The following STRADA variants were observed in gnomAD, a reference collection of about 807,000 sequenced individuals.
The protein encoded by STRADA is STE20 related adaptor alpha, also known as STE20-related kinase adapter protein alpha.
Under a neutral mutation model 55.0 loss-of-function variants are expected in STRADA, and 26 were observed. The observed-to-expected ratio is 0.47, with a 90% CI of 0.35 to 0.66. The LOEUF is 0.66. STRADA is among the 30% of genes least tolerant of loss of function. STRADA has a pLI of 0.01. For missense variants in STRADA, 443 were observed against 549.7 expected, an observed-to-expected ratio of 0.81 and a Z score of 1.94; for synonymous variants, 197 against 210.9, an observed-to-expected ratio of 0.93 and a Z score of 0.57.
chr17:63,719,682 T>C (rs2037156465), intron 4 of STRADA, among the ~76,000 whole-genome samples: 1 of 152,010 alleles, frequency 6.6e-6, no homozygotes, highest in Non-Finnish European at 1.5e-5. Context: ...TGGGGTTTCA[T>C]TGTGTTGGCC....
Position 63,704,526 on chromosome 17 carries a change from G to C in STRADA, c.915C>G (p.Ile305Met). ...GGCTCATGGTCAGCTCCTCAGCGGG[G>C]ATGGTGCTGGTATCCAACAGGCAGG... is the stretch of plus-strand genomic sequence containing the variant. ...TVPCLLDTST[I>M]PAEELTMSPS... The change falls in exon 11 of 13, where the codon ATC (isoleucine) becomes ATG (methionine). Residue 305 changes from isoleucine (I) to methionine (M), a missense_variant. Physicochemically the swap from Ile to Met is conservative, Grantham distance 10 (BLOSUM62 1). Transcript: ENST00000336174. The C allele has an allele frequency of 1.3e-6, 2 of 1,599,372 alleles. No homozygotes were observed. The highest frequency in any genetic ancestry group is 2.3e-5 in the South Asian group (2 of 88,652).
rs866363362 is a variant in STRADA, at chr17:63,728,741, A to C, written c.-44-328T>G. On this transcript the variant is annotated intron_variant, in intron 1 of 12. Transcript: ENST00000336174. The stretch of plus-strand genomic sequence containing the variant: ...TGGTGAAACCCCATCTCTATAAAAA[A>C]AAAAAAAAAAAAAAAAAAAGCCAGG... Among the ~76,000 whole-genome samples the C allele has an allele frequency of 5.3e-5, 7 of 133,186 alleles. No homozygotes were observed. In the Admixed American group the frequency reaches 5.4e-4, roughly 10 times the overall value. 87.4% of individuals were successfully genotyped at this position (133,186 alleles called of 152,430 possible).
intron 1 of STRADA, among the ~76,000 whole-genome samples, chr17:63,738,081 G>A (rs958220142): frequency 3.3e-5 from 5 of 151,880 alleles, no homozygotes; most frequent in South Asian, 4.2e-4. Flanking sequence ...GGTGGCTCAC[G>A]CTTATAATCC....
In STRADA at chr17:63,723,305, C is replaced by T. The variant is rs538131743; in HGVS notation, c.116G>A (p.Arg39Gln). 4.5e-5 allele frequency: 73 copies of T among 1,614,120 alleles called. No homozygotes were observed. In the South Asian group the frequency reaches 4.6e-4, roughly 10 times the overall value. ...LFGEQPPGDT[R>Q]RKTNDASSES... ...GCCTAGGAAGCCACTTACTTTTCTC[C>T]GAGTGTCACCCGGAGGCTGCTCTGG... Residue 39 changes from arginine (R) to glutamine (Q), a missense_variant, in exon 4 of 13, where the codon CGG becomes CAG. By Grantham distance (43) the Arg-to-Gln change is conservative. Coordinates refer to ENST00000336174, the MANE Select transcript of STRADA (RefSeq NM_001003787.4).
chr17:63,713,240 C>A (rs972192376), intron 6 of STRADA, among the ~76,000 whole-genome samples, 166 bp downstream of exon 6: 1 of 152,204 alleles, frequency 6.6e-6, no homozygotes, highest in Non-Finnish European at 1.5e-5. Context: ...TTAGGCTGAG[C>A]AGCATTTCAG....
At chr17:63,719,529 G>A (rs1292631202) in intron 4 of STRADA, among the ~76,000 whole-genome samples, 1 of 151,614 alleles carries the variant, frequency 6.6e-6, no homozygotes, top group Non-Finnish European at 1.5e-5. Flanking sequence ...TATCGCCCAG[G>A]CTGGAGTGCA....
intron 4 of STRADA, 38 bp from the exon 5 acceptor site, chr17:63,714,146 CTG>C (rs1161042364): frequency 6.6e-7 from 1 of 1,506,484 alleles, no homozygotes; most frequent in African/African-American, 1.4e-5. Flanking sequence ...GTAGAGAAAA[CTG>C]GGGGTGGGAT....
In STRADA at chr17:63,704,808, G is replaced by C. The variant is rs1049879753; in HGVS notation, c.859-226C>G. The C allele has an allele frequency of 7.2e-6, 11 of 1,534,876 alleles. No individual in the cohort carries two copies. In the African/African-American group the frequency reaches 1.4e-4, roughly 19 times the overall value. ...AGGCCAACGTGAAAGGAGAGGGGTT[G>C]CACAAAAGTACCCGCTTTCGCCATG... On this transcript the variant is annotated intron_variant, in intron 10 of 12. Transcript: ENST00000336174.
intron 4 of STRADA, among the ~76,000 whole-genome samples, chr17:63,718,577 C>T (rs1321280108): frequency 6.6e-6 from 1 of 152,196 alleles, no homozygotes; most frequent in African/African-American, 2.4e-5. Flanking sequence ...TGCTTTCAGA[C>T]CCAAACTCCC....
At chr17:63,706,566 G>C in intron 10 of STRADA, 69 bp downstream of exon 10, 1 of 1,108,620 alleles carries the variant, frequency 9.0e-7, no homozygotes. Context: ...TCCTGAGTGT[G>C]AGAGCTACTC....
rs972525421 is a variant in STRADA, at chr17:63,713,547, C to T, written c.227-20G>A. On this transcript the variant is annotated intron_variant, in intron 5 of 12. Transcript: ENST00000336174. Reference sequence around the variant, plus strand: ...CTTTGCCTAAAAGAAAAAGGGAATGCCATACGCAAGGACAAGAACAACAAA... The same window carrying T: ...CTTTGCCTAAAAGAAAAAGGGAATGTCATACGCAAGGACAAGAACAACAAA... 6.2e-7 allele frequency: 1 copy of T among 1,610,200 alleles called. No homozygotes were observed. The highest frequency in any genetic ancestry group is 8.5e-7 in the Non-Finnish European group (1 of 1,179,052).
At chr17:63,705,482 C>T (rs1397563437) in intron 10 of STRADA, 1 of 160,616 alleles carries the variant, frequency 6.2e-6, no homozygotes, top group South Asian at 1.7e-4. Flanking sequence ...CTCCTAGATT[C>T]CTCACATAGA....
At chr17:63,727,124 A>G (rs2037715239) in intron 2 of STRADA, 1 of 177,812 alleles carries the variant, frequency 5.6e-6, no homozygotes, top group East Asian at 1.7e-4. Context: ...ATGGCACACA[A>G]CAAGTTGCAT....
chr17:63,704,749 C>T (rs939720216), intron 10 of STRADA, 167 bp from the exon 11 acceptor site: 18 of 1,525,358 alleles, frequency 1.2e-5, no homozygotes, highest in South Asian at 4.8e-5. Context: ...CCCAAAGAAA[C>T]GCTGGTCACT....
At chr17:63,736,399 G>A (rs773145596) in intron 1 of STRADA, among the ~76,000 whole-genome samples, 3 of 152,042 alleles carry the variant, frequency 2.0e-5, no homozygotes, top group Admixed American at 1.3e-4. Flanking sequence ...AGGCTGAAGC[G>A]GGTGGATCAT....
intron 2 of STRADA, 163 bp from the exon 3 acceptor site, chr17:63,726,858 A>G: frequency 1.6e-6 from 1 of 643,852 alleles, no homozygotes; most frequent in East Asian, 2.8e-5. Flanking sequence ...ATCTTGAACT[A>G]AAAACAAGAT....
At position 63,703,659 on chromosome 17, in the gene STRADA, A is replaced by G. The variant is rs1272994686; in HGVS notation, c.1236T>C (p.Ser412=). The G allele has an allele frequency of 1.2e-6, 2 of 1,614,184 alleles. No homozygotes were observed. The highest frequency in any genetic ancestry group is 3.3e-5 in the Admixed American group (2 of 60,016). The change falls in exon 13 of 13, where the codon AGT becomes AGC. Residue 412 remains serine (S), a synonymous_variant. Coordinates refer to ENST00000336174, the MANE Select transcript of STRADA (RefSeq NM_001003787.4). The part of the protein sequence containing the change: ...NFEGSQSQDH[S]GIFGLVTNLE... Reference sequence around the variant, plus strand: ...GGTTTGTTACCAGGCCAAAGATTCCACTGTGGTCCTGAGACTGGCTGCCCT... The same window carrying G: ...GGTTTGTTACCAGGCCAAAGATTCCGCTGTGGTCCTGAGACTGGCTGCCCT...
chr17:63,714,601 C>A, intron 4 of STRADA: 1 of 204,556 alleles, frequency 4.9e-6, no homozygotes, highest in Non-Finnish European at 1.0e-5. Context: ...CCCTCTTTAG[C>A]AAACCAAGAG....
chr17:63,710,199 C>T (rs376607781), intron 8 of STRADA, among the ~76,000 whole-genome samples: 3 of 152,080 alleles, frequency 2.0e-5, no homozygotes, highest in South Asian at 2.1e-4. Flanking sequence ...CCACCACACC[C>T]GGCTAATTTT....
Sources: gnomAD v4.1 joint callset for allele counts (sites outside exome capture counted in the v4.1 genomes callset) on GRCh38, gnomAD v4.1.1 for gene constraint, MANE v1.5 for transcripts, NCBI Gene and HGNC (gene_info 2026-07-23, HGNC 2026-07-21) for gene names.